The following ZNF609 variants were observed in gnomAD, a reference collection of about 807,000 sequenced individuals.
The protein encoded by ZNF609 is zinc finger protein 609.
In ZNF609, 11 loss-of-function variants were observed where a neutral mutation model predicts 109.5. That is an observed-to-expected ratio of 0.10 (90% CI 0.06 to 0.17). The LOEUF (loss-of-function observed/expected upper bound fraction) is 0.17. Ranked by LOEUF, ZNF609 falls within the 10% of genes least tolerant of loss-of-function variation. The pLI is 1.00. For missense variants in ZNF609, 1,559 were observed against 1,772.4 expected (o/e 0.88, Z 2.16); for synonymous variants, 646 against 662.0 (o/e 0.98, Z 0.37).
At chr15:64,629,049 T>C (rs748074670) in intron 3 of ZNF609, among the ~76,000 whole-genome samples, 4 of 152,212 alleles carry the variant, frequency 2.6e-5, no homozygotes, top group Non-Finnish European at 5.9e-5. Flanking sequence ...ATTAGCTCTC[T>C]TATTTCTTTA....
Position 64,483,341 on chromosome 15 carries a change from G to A in ZNF609, c.-127-15952G>A, listed in dbSNP as rs139652819. 6.1e-3 allele frequency among the ~76,000 whole-genome samples: 927 copies of A among 152,136 alleles called. 13 individuals carry two copies. Among genetic ancestry groups the A allele is most frequent in the African/African-American group, 0.021 (890 of 41,532 alleles). On this transcript the variant is annotated intron_variant, in intron 1 of 9. Transcript: ENST00000326648. Reference sequence around the variant, plus strand: ...ACTCCCAGCCTTAGGTGATCTGCCCGCCTCAGCCTCCCAAAGTGCTGGGAT... The same window carrying A: ...ACTCCCAGCCTTAGGTGATCTGCCCACCTCAGCCTCCCAAAGTGCTGGGAT...
intron 1 of ZNF609, among the ~76,000 whole-genome samples, chr15:64,498,980 G>A (rs1893520252): frequency 6.6e-6 from 1 of 152,142 alleles, no homozygotes; most frequent in Non-Finnish European, 1.5e-5. Context: ...AGGAAGGGTT[G>A]CCAGCTGACA....
chr15:64,471,881 C>G (rs1016887686), intron 1 of ZNF609, among the ~76,000 whole-genome samples: 1 of 151,616 alleles, frequency 6.6e-6, no homozygotes, highest in Non-Finnish European at 1.5e-5. Context: ...CCATACCCGG[C>G]CAATATAAGT....
In ZNF609 at chr15:64,508,808, T is replaced by C. The variant is rs528059660; in HGVS notation, c.747+8642T>C. ...TGCTCAAGTGATTCTCCTACCTCAC[T>C]TCCTACCTCCCCAGTAGCTGGGACT... On this transcript the variant is annotated intron_variant, in intron 2 of 9. Transcript: ENST00000326648. Among the ~76,000 whole-genome samples the C allele has an allele frequency of 1.1e-4, 16 of 151,722 alleles. No homozygotes were observed. In the South Asian group the frequency reaches 3.1e-3, roughly 30 times the overall value.
intron 1 of ZNF609, among the ~76,000 whole-genome samples, chr15:64,464,358 C>G (rs1489056156): frequency 6.6e-6 from 1 of 152,164 alleles, no homozygotes; most frequent in Non-Finnish European, 1.5e-5. Context: ...ACTCTGCTTC[C>G]TCTTTGTAGT....
intron 2 of ZNF609, among the ~76,000 whole-genome samples, chr15:64,540,550 G>A (rs1486072661): frequency 6.6e-6 from 1 of 151,794 alleles, no homozygotes; most frequent in Non-Finnish European, 1.5e-5. Flanking sequence ...GACTACAGGT[G>A]CGTGCCACTG....
chr15:64,584,068 C>G (rs993514844), intron 2 of ZNF609, among the ~76,000 whole-genome samples: 20 of 151,980 alleles, frequency 1.3e-4, no homozygotes, highest in African/African-American at 4.4e-4. Context: ...GGATTTATGC[C>G]TATTTTTATT....
intron 2 of ZNF609, among the ~76,000 whole-genome samples, chr15:64,596,104 T>G (rs1478136988): frequency 6.6e-6 from 1 of 152,168 alleles, no homozygotes; most frequent in African/African-American, 2.4e-5. Flanking sequence ...GTGTGTCTAG[T>G]AATATGAAAT....
intron 2 of ZNF609, 131 bp from the exon 3 acceptor site, chr15:64,622,696 G>A (rs185018978): frequency 6.6e-6 from 5 of 757,538 alleles, no homozygotes; most frequent in Non-Finnish European, 1.1e-5. Flanking sequence ...TTGAAAGGAA[G>A]AACCAAAGTC....
chr15:64,605,509 A>G (rs1895579968), intron 2 of ZNF609, among the ~76,000 whole-genome samples: 1 of 152,192 alleles, frequency 6.6e-6, no homozygotes, highest in Admixed American at 6.6e-5. Context: ...TACCATTACC[A>G]TTATTATTGT....
intron 1 of ZNF609, among the ~76,000 whole-genome samples, chr15:64,496,734 T>A (rs1004649073): frequency 1.3e-5 from 2 of 152,232 alleles, no homozygotes; most frequent in African/African-American, 2.4e-5. Context: ...CCAAGTCTTC[T>A]TGTGTAGTGT....
At chr15:64,616,720 C>T (rs1243295258) in intron 2 of ZNF609, among the ~76,000 whole-genome samples, 4 of 148,446 alleles carry the variant, frequency 2.7e-5, no homozygotes, top group Admixed American at 1.4e-4. Context: ...GGGGTTTCAC[C>T]GTGTTAGCCA....
chr15:64,570,827 A>G (rs1894849112), intron 2 of ZNF609, among the ~76,000 whole-genome samples: 1 of 152,104 alleles, frequency 6.6e-6, no homozygotes, highest in South Asian at 2.1e-4. Context: ...GGAGTTCGAG[A>G]CGAGCCTGGC....
intron 3 of ZNF609, among the ~76,000 whole-genome samples, chr15:64,634,736 G>A (rs577730421): frequency 6.6e-6 from 1 of 152,064 alleles, no homozygotes; most frequent in Non-Finnish European, 1.5e-5. Context: ...CTTGAATCCC[G>A]AAGAAATAGC....
intron 1 of ZNF609, among the ~76,000 whole-genome samples, chr15:64,493,341 G>A (rs1433909010): frequency 2.6e-5 from 4 of 152,048 alleles, no homozygotes; most frequent in African/African-American, 7.2e-5. Flanking sequence ...CATTCCTGAG[G>A]TAGAAGAGTT....
At chr15:64,475,683 G>A (rs1378008263) in intron 1 of ZNF609, among the ~76,000 whole-genome samples, 3 of 151,986 alleles carry the variant, frequency 2.0e-5, no homozygotes, top group Non-Finnish European at 2.9e-5. Flanking sequence ...GAGCCACCGC[G>A]CCCAGCCCGC....
intron 2 of ZNF609, among the ~76,000 whole-genome samples, chr15:64,610,443 G>A (rs1895698465): frequency 6.6e-6 from 1 of 152,066 alleles, no homozygotes; most frequent in African/African-American, 2.4e-5. Flanking sequence ...CAGTTTACCT[G>A]TATAACAAAC....
chr15:64,485,818 A>G (rs1449612070), intron 1 of ZNF609, among the ~76,000 whole-genome samples: 1 of 152,196 alleles, frequency 6.6e-6, no homozygotes, highest in East Asian at 1.9e-4. Context: ...ATAATAATGC[A>G]GAGGGATCCT....
intron 4 of ZNF609, chr15:64,671,403 A>T (rs936846147): frequency 9.9e-5 from 15 of 152,010 alleles, no homozygotes; most frequent in African/African-American, 3.4e-4. Context: ...TGTTGAGGGG[A>T]TGCACTTTGA....
Sources: gnomAD v4.1 joint callset for allele counts (sites outside exome capture counted in the v4.1 genomes callset) on GRCh38, gnomAD v4.1.1 for gene constraint, MANE v1.5 for transcripts, NCBI Gene and HGNC (gene_info 2026-07-23, HGNC 2026-07-21) for gene names.